The following KRT17 variants were observed in gnomAD, a reference collection of about 807,000 sequenced individuals.
The protein encoded by KRT17 is keratin 17.
KRT17 carries 29 observed loss-of-function variants against 45.6 expected under a neutral mutation model. The observed-to-expected ratio is 0.64, with a 90% CI of 0.47 to 0.87. KRT17 has a LOEUF of 0.87. Among genes scored for constraint, KRT17 ranks in the 40% least tolerant of loss-of-function variants. The pLI is 0.00. For synonymous variants in KRT17, 219 were observed against 234.6 expected, an observed-to-expected ratio of 0.93 and a Z score of 0.61; for missense variants, 536 against 577.8, an observed-to-expected ratio of 0.93 and a Z score of 0.74.
At chr17:41,622,011 CTAAT>C (rs1051064346) in intron 3 of KRT17, 4 of 606,510 alleles carry the variant, frequency 6.6e-6, no homozygotes, top group Non-Finnish European at 8.9e-6. Flanking sequence ...AAGTTCCCCT[CTAAT>C]TTCCAAGCTT....
rs117941474 is a variant in KRT17 at position 41,619,618 on chromosome 17, C to T, written c.1275G>A (p.Glu425=). Residue 425 remains glutamate, a synonymous_variant, in exon 8 of 8, where the codon GAG becomes GAA. Transcript: ENST00000311208. ...VQDGKVISSR[E]QVHQTTR ...CTCAGCGGGTGGTCTGGTGGACCTG[C>T]TCGCGGGAGGAGATGACCTTGCCAT... 44,032 of 1,612,184 alleles carry T rather than the reference C, an allele frequency of 0.027. 710 individuals are homozygous for T. Among genetic ancestry groups the T allele is most frequent in the Non-Finnish European group, 0.032 (37,508 of 1,179,996 alleles).
intron 3 of KRT17, 115 bp from the exon 4 acceptor site, chr17:41,621,869 C>T (rs1908556050): frequency 1.8e-6 from 2 of 1,129,564 alleles, no homozygotes; most frequent in South Asian, 1.3e-5. Flanking sequence ...TTTGTTCTCC[C>T]TCTGCTCTAT....
At position 41,624,515 on chromosome 17, in the gene KRT17, C is replaced by G. The variant is rs11553457; in HGVS notation, c.-6G>C. 193,959 of 1,607,102 alleles carry G rather than the reference C, an allele frequency of 0.12. 13,141 individuals are homozygous for G. The highest frequency in any genetic ancestry group is 0.24 in the African/African-American group (17,903 of 74,678). ...TGGCGGATGGAGGTGGTCATGGTGG[C>G]GGCGGCAGGAGGCAGGCACACAGGA... On this transcript the variant is annotated 5_prime_UTR_variant, in exon 1 of 8. Transcript: ENST00000311208.
Position 41,620,835 on chromosome 17 carries a change from G to A in KRT17, c.1005C>T (p.Tyr335=). ...EGNLAETENR[Y]CVQLSQIQGL... ...CCTGGATCTGGGACAGCTGCACGCAGTAGCGGTTCTCTGTCTCCGCCAGGT... is the reference window on the plus strand; with the variant it reads ...CCTGGATCTGGGACAGCTGCACGCAATAGCGGTTCTCTGTCTCCGCCAGGT... Residue 335 remains tyrosine (Y), a synonymous_variant, in exon 6 of 8, where the codon TAC becomes TAT. Transcript: ENST00000311208. 6.2e-7 allele frequency: 1 copy of A among 1,613,754 alleles called. No individual in the cohort carries two copies. The highest frequency in any genetic ancestry group is 2.2e-5 in the East Asian group (1 of 44,894).
chr17:41,623,052 G>A lies in KRT17; in HGVS notation c.433-20C>T, dbSNP rs548038952. The stretch of plus-strand genomic sequence containing the variant: ...GAGGATCTGAGGAGAAGGGAGAGTA[G>A]TCAGGTCATTGGATGGGGGTGGCTG... On this transcript the variant is annotated intron_variant, in intron 1 of 7. Coordinates refer to ENST00000311208, the MANE Select transcript of KRT17 (RefSeq NM_000422.3). 6.3e-7 allele frequency: 1 copy of A among 1,595,294 alleles called. No individual in the cohort carries two copies. The highest frequency in any genetic ancestry group is 1.7e-5 in the Admixed American group (1 of 59,980).
chr17:41,621,729 A>G lies in KRT17; in HGVS notation c.698T>C (p.Val233Ala). The G allele has an allele frequency of 1.2e-6, 2 of 1,611,878 alleles. No individual in the cohort carries two copies. The highest frequency in any genetic ancestry group is 1.7e-6 in the Non-Finnish European group (2 of 1,179,818). ...EEEMNALRGQ[V>A]GGEINVEMDA... ...CATCTCCACATTGATCTCACCACCC[A>G]CCTGGCCTCGCAGGGCGTTCATCTC... The change falls in exon 4 of 8, where the codon GTG becomes GCG. Residue 233 changes from valine (V) to alanine (A), a missense_variant. By Grantham distance (64) the Val-to-Ala change is moderately conservative (BLOSUM62 0). Coordinates refer to ENST00000311208, the MANE Select transcript of KRT17 (RefSeq NM_000422.3).
In KRT17 at chr17:41,620,967, A is replaced by G. The variant is rs1212848724; in HGVS notation, c.959T>C (p.Met320Thr). ...LEIELQSQLS[M>T]KASLEGNLAE... The stretch of plus-strand genomic sequence containing the variant: ...CCCCATGCACAGGACTGTTCCTACC[A>G]TGCTGAGCTGGGACTGCAGCTCTAT... The change falls in exon 5 of 8, where the codon ATG becomes ACG. Residue 320 changes from methionine (M) to threonine (T), a missense_variant and splice_region_variant. Met to Thr is a moderately conservative substitution (Grantham distance 81). Transcript: ENST00000311208. 1.2e-6 allele frequency: 2 copies of G among 1,613,970 alleles called. No homozygotes were observed. Among genetic ancestry groups the G allele is most frequent in the Admixed American group, 3.3e-5 (2 of 60,002 alleles).
At position 41,621,136 on chromosome 17, in the gene KRT17, C is replaced by T. The variant is rs748850110; in HGVS notation, c.835-45G>A. The T allele has an allele frequency of 1.8e-5, 29 of 1,611,872 alleles. No homozygotes were observed. In the East Asian group the frequency reaches 6.5e-4, roughly 36 times the overall value. On this transcript the variant is annotated intron_variant, in intron 4 of 7. Transcript: ENST00000311208. ...CAGGGCGGTGTGAGCCTGGATCCCT[C>T]TCCCAAGTCAGGCCTCCTCCCAAAT...
At chr17:41,623,986 C>A in intron 1 of KRT17, 92 bp downstream of exon 1, 2 of 1,580,862 alleles carry the variant, frequency 1.3e-6, no homozygotes, top group Non-Finnish European at 1.7e-6. Context: ...CTCCCTGAGA[C>A]CCTATGGCTG....
At chr17:41,622,689 C>A (rs559632210) in intron 2 of KRT17, among the ~76,000 whole-genome samples, 178 bp from the exon 3 acceptor site, 1 of 152,236 alleles carries the variant, frequency 6.6e-6, no homozygotes, top group Non-Finnish European at 1.5e-5. Flanking sequence ...CCAGATCCCA[C>A]GCCCACCAGC....
intron 7 of KRT17, chr17:41,620,107 G>T: frequency 1.0e-6 from 1 of 985,316 alleles, no homozygotes; most frequent in African/African-American, 1.7e-5. Context: ...CTAAGGCTAG[G>T]ATCATATATT....
Position 41,622,410 on chromosome 17 carries a change from A to G in KRT17, c.617T>C (p.Met206Thr), listed in dbSNP as rs138650610. 3 of 1,613,966 alleles carry G rather than the reference A, an allele frequency of 1.9e-6. No individual in the cohort carries two copies. Among genetic ancestry groups the G allele is most frequent in the Admixed American group, 1.7e-5 (1 of 60,014 alleles). Residue 206 changes from methionine (M) to threonine (T), a missense_variant, in exon 3 of 8, where the codon ATG becomes ACG. Coordinates refer to ENST00000311208, the MANE Select transcript of KRT17 (RefSeq NM_000422.3). ...CTCCTCCTTGAGGTTCTCAATCTGCATCTCCAGGTCGGCTCTGGCCAGGGT... is the reference window on the plus strand; with the variant it reads ...CTCCTCCTTGAGGTTCTCAATCTGCGTCTCCAGGTCGGCTCTGGCCAGGGT... Reference protein sequence around the residue: ...ELTLARADLEMQIENLKEELA... With the variant: ...ELTLARADLETQIENLKEELA...
chr17:41,624,030 G>A (rs758806868), intron 1 of KRT17, 48 bp downstream of exon 1: 2 of 1,611,354 alleles, frequency 1.2e-6, no homozygotes, highest in East Asian at 2.2e-5. Context: ...AGGAGTTGGG[G>A]GGAAGAAGTC....
intron 4 of KRT17, 29 bp from the exon 5 acceptor site, chr17:41,621,120 G>A (rs750096799): frequency 8.7e-6 from 14 of 1,613,012 alleles, no homozygotes; most frequent in Middle Eastern, 1.8e-4. Flanking sequence ...ACAGGGCGGT[G>A]TGAGCCTGGA....
rs748122047 is a variant in KRT17, at chr17:41,619,688, G to A, written c.1205C>T (p.Pro402Leu). The A allele has an allele frequency of 1.6e-5, 26 of 1,612,056 alleles. No individual in the cohort carries two copies. Among genetic ancestry groups the A allele is most frequent in the African/African-American group, 5.3e-5 (4 of 74,858 alleles). Residue 402 changes from proline (P) to leucine (L), a missense_variant and splice_region_variant, in exon 8 of 8, where the codon CCG (proline) becomes CTG (leucine). Pro to Leu is a moderately conservative substitution (Grantham distance 98). Transcript: ENST00000311208. ...GGTACGCACCTGACGGGTGGTCACC[G>A]CTGCAGGAGAAGCAGGCAATTTAAA... ...DAHLTQYKKE[P>L]VTTRQVRTIV...
In KRT17 at chr17:41,620,664, A is replaced by T. The variant is rs1263489642; in HGVS notation, c.1176T>A (p.Asp392Glu). 2 of 1,611,612 alleles carry T rather than the reference A, an allele frequency of 1.2e-6. No homozygotes were observed. Among genetic ancestry groups the T allele is most frequent in the South Asian group, 1.1e-5 (1 of 90,962 alleles). Reference protein sequence around the residue: ...ATYRRLLEGEDAHLTQYKKEP... With the variant: ...ATYRRLLEGEEAHLTQYKKEP... ...CCCCAGGCGCCCCCACTCACTGGGC[A>T]TCCTCTCCCTCCAGCAGGCGGCGGT... Residue 392 changes from aspartate (D) to glutamate (E), a missense_variant, in exon 6 of 8, where the codon GAT becomes GAA. By Grantham distance (45) the Asp-to-Glu change is conservative. Coordinates refer to ENST00000311208, the MANE Select transcript of KRT17 (RefSeq NM_000422.3).
intron 7 of KRT17, 84 bp downstream of exon 7, chr17:41,620,452 T>G (rs1357002375): frequency 1.2e-6 from 2 of 1,610,656 alleles, no homozygotes; most frequent in African/African-American, 2.7e-5. Flanking sequence ...CTGGAGCTCC[T>G]GGGGACCCTG....
In KRT17 at chr17:41,619,677, G is replaced by A. The variant is rs777503614; in HGVS notation, c.1216C>T (p.Arg406Cys). Residue 406 changes from arginine (R) to cysteine (C), a missense_variant, in exon 8 of 8, where the codon CGT becomes TGT. Transcript: ENST00000311208. ...TQYKKEPVTT[R>C]QVRTIVEEVQ... is the part of the protein sequence containing the mutation. Reference sequence around the variant, plus strand: ...TCTTCCACAATGGTACGCACCTGACGGGTGGTCACCGCTGCAGGAGAAGCA... The same window carrying A: ...TCTTCCACAATGGTACGCACCTGACAGGTGGTCACCGCTGCAGGAGAAGCA... The A allele has an allele frequency of 3.6e-5, 58 of 1,612,066 alleles. No homozygotes were observed. The highest frequency in any genetic ancestry group is 4.4e-5 in the Non-Finnish European group (52 of 1,180,008).
chr17:41,619,707 A>G lies in KRT17; in HGVS notation c.1205-19T>C, dbSNP rs139199060. ...GTCACCGCTGCAGGAGAAGCAGGCA[A>G]TTTAAAGTGGGTAGGGGCCAGGAGG... On this transcript the variant is annotated intron_variant, in intron 7 of 7. Transcript: ENST00000311208. 1.9e-6 allele frequency: 3 copies of G among 1,611,896 alleles called. No individual in the cohort carries two copies. The highest frequency in any genetic ancestry group is 2.2e-5 in the South Asian group (2 of 91,002).
Sources: allele counts gnomAD v4.1 joint callset (sites outside exome capture counted in the v4.1 genomes callset), GRCh38; gene constraint gnomAD v4.1.1; transcripts MANE v1.5; gene names NCBI Gene and HGNC (gene_info 2026-07-23, HGNC 2026-07-21).